TAMALIN: variants seen among roughly 807,000 people sequenced by gnomAD.
The protein encoded by TAMALIN is trafficking regulator and scaffold protein tamalin.
TAMALIN carries 9 observed loss-of-function variants against 38.5 expected under a neutral mutation model. The ratio of observed to expected loss-of-function variants is 0.23; its 90% confidence interval spans 0.14 to 0.41. TAMALIN has a LOEUF of 0.41. Ranked by LOEUF, TAMALIN falls within the 10% of genes least tolerant of loss-of-function variation. The pLI, the probability that TAMALIN is intolerant of heterozygous loss-of-function variation, is 1.00. For missense variants in TAMALIN, 548 were observed against 554.1 expected, an observed-to-expected ratio of 0.99 and a Z score of 0.11; for synonymous variants, 306 against 256.5, an observed-to-expected ratio of 1.19 and a Z score of -1.85.
Position 52,014,917 on chromosome 12 carries a change from GC to G in TAMALIN, c.911del (p.Pro304ArgfsTer25), listed in dbSNP as rs1336403576. Reference sequence around the variant, plus strand: ...AGCCGCCGGCGCTGCCGCCCCCGCCGCCCCCGGCCCGCGCCTTCGGCCCGGG... The same window carrying G: ...AGCCGCCGGCGCTGCCGCCCCCGCCGCCCCGGCCCGCGCCTTCGGCCCGGG... ...SEPPALPPPPPPARAFGPGPA... is the reference protein window; with the variant it reads ...SEPPALPPPPXPARAFGPGPA... On this transcript the variant is annotated frameshift_variant, in exon 8 of 8. Coordinates refer to ENST00000293662, the MANE Select transcript of TAMALIN (RefSeq NM_181711.4). LOFTEE classifies it high-confidence loss of function. The G allele has an allele frequency of 1.7e-5, 18 of 1,085,970 alleles. No individual in the cohort carries two copies. The highest frequency in any genetic ancestry group is 1.6e-4 in the Admixed American group (3 of 18,846). 67.3% of individuals were successfully genotyped at this position (1,085,970 alleles called of 1,614,324 possible). A position where few individuals can be genotyped will look rare whatever the true frequency, so the allele number is the denominator to read the frequency against.
In TAMALIN at chr12:52,015,240, A is replaced by C; in HGVS notation, c.*41A>C. 2.6e-6 allele frequency: 4 copies of C among 1,545,300 alleles called. No homozygotes were observed. Among genetic ancestry groups the C allele is most frequent in the Non-Finnish European group, 3.5e-6 (4 of 1,153,734 alleles). On this transcript the variant is annotated 3_prime_UTR_variant, in exon 8 of 8. Coordinates refer to ENST00000293662, the MANE Select transcript of TAMALIN (RefSeq NM_181711.4). Reference sequence around the variant, plus strand: ...GGGAGGTATTTATTTATTTATTCGCAACAGCCAGCGCTAAAAGAGGGGGAG... The same window carrying C: ...GGGAGGTATTTATTTATTTATTCGCCACAGCCAGCGCTAAAAGAGGGGGAG...
chr12:52,014,630 C>T, intron 7 of TAMALIN, 64 bp from the exon 8 acceptor site: 3 of 1,281,960 alleles, frequency 2.3e-6, no homozygotes, highest in Non-Finnish European at 3.1e-6. Flanking sequence ...TGCCCTCCGA[C>T]CCTTTGCAGA....
At position 52,012,637 on chromosome 12, in the gene TAMALIN, A is replaced by G. The variant is rs577127045; in HGVS notation, c.455-1050A>G. Among the ~76,000 whole-genome samples, 9 of 152,310 alleles carry G rather than the reference A, an allele frequency of 5.9e-5. No homozygotes were observed. In the South Asian group the frequency reaches 1.9e-3, roughly 32 times the overall value. On this transcript the variant is annotated intron_variant, in intron 4 of 7. Transcript: ENST00000293662. ...TCAACATGAGTTTTGGGGACAAACA[A>G]TATTTAAATGGTAGCAGTAGCCAAG...
In TAMALIN at chr12:52,008,120, G is replaced by A. The variant is rs987277461; in HGVS notation, c.246+855G>A. On this transcript the variant is annotated intron_variant, in intron 1 of 7. Coordinates refer to ENST00000293662, the MANE Select transcript of TAMALIN (RefSeq NM_181711.4). ...TATGAAAATCATGTTGAAAGACAAA[G>A]GGGTCTCTCTGTGCTGCCCAGTCCT... 3.6e-5 allele frequency: 35 copies of A among 985,310 alleles called. No individual in the cohort carries two copies. In the East Asian group the frequency reaches 7.9e-4, roughly 22 times the overall value. The allele number at this position is 985,310 out of a possible 1,614,324, so 61.0% of individuals were successfully genotyped here.
chr12:52,015,195 T>C lies in TAMALIN; in HGVS notation c.1184T>C (p.Leu395Pro). 1 of 1,550,846 alleles carries C rather than the reference T, an allele frequency of 6.4e-7. No homozygotes were observed. The highest frequency in any genetic ancestry group is 8.7e-7 in the Non-Finnish European group (1 of 1,152,436). Reference sequence around the variant, plus strand: ...TCCCTGGAGGAGGAGGAGAGCCAGCTGTAGGGGCGGGGGCGGGCAGGGAGG... The same window carrying C: ...TCCCTGGAGGAGGAGGAGAGCCAGCCGTAGGGGCGGGGGCGGGCAGGGAGG... ...NRSLEEEESQ[L>P] Residue 395 changes from leucine to proline, a missense_variant, in exon 8 of 8, where the codon CTG becomes CCG. Leu to Pro is a moderately conservative substitution (Grantham distance 98). This residue lies in a region of TAMALIN where 415 missense variants were observed against 417.0 expected (regional missense o/e 1.00). Coordinates refer to ENST00000293662, the MANE Select transcript of TAMALIN (RefSeq NM_181711.4).
chr12:52,007,816 G>A lies in TAMALIN; in HGVS notation c.246+551G>A. The A allele has an allele frequency of 7.1e-6, 7 of 985,448 alleles. No individual in the cohort carries two copies. The highest frequency in any genetic ancestry group is 8.4e-6 in the Non-Finnish European group (7 of 829,928). The allele number at this position is 985,448 out of a possible 1,614,324, so 61.0% of individuals were successfully genotyped here. On this transcript the variant is annotated intron_variant, in intron 1 of 7. Transcript: ENST00000293662. The surrounding 1 kb of genome is among the most constrained non-coding windows in gnomAD (Gnocchi z 6.7). The stretch of plus-strand genomic sequence containing the variant: ...CCGCCTGGCCCCACGTCTGACGTAC[G>A]GGGCGCGAGGGCCACTGCTCCCTGG...
In TAMALIN at chr12:52,007,589, G is replaced by T. The variant is rs1942435480; in HGVS notation, c.246+324G>T. Reference sequence around the variant, plus strand: ...CCATGCCCCGCCTCCCCGTGGCCAGGTGTCCTGGGTCCCCAGGAGCCCCTC... The same window carrying T: ...CCATGCCCCGCCTCCCCGTGGCCAGTTGTCCTGGGTCCCCAGGAGCCCCTC... On this transcript the variant is annotated intron_variant, in intron 1 of 7. Transcript: ENST00000293662. The surrounding 1 kb of genome is among the most constrained non-coding windows in gnomAD (Gnocchi z 6.7). 2 of 985,038 alleles carry T rather than the reference G, an allele frequency of 2.0e-6. No individual in the cohort carries two copies. The highest frequency in any genetic ancestry group is 3.5e-5 in the African/African-American group (2 of 57,326). The allele number at this position is 985,038 out of a possible 1,614,324, so 61.0% of individuals were successfully genotyped here.
At chr12:52,012,802 A>G (rs1291460125) in intron 4 of TAMALIN, among the ~76,000 whole-genome samples, 1 of 152,226 alleles carries the variant, frequency 6.6e-6, no homozygotes, top group Non-Finnish European at 1.5e-5. Flanking sequence ...GCTTGAGGTC[A>G]GGAAGCTCTC....
chr12:52,007,404 C>T lies in TAMALIN; in HGVS notation c.246+139C>T. 1.6e-6 allele frequency: 2 copies of T among 1,269,484 alleles called. No homozygotes were observed. Among genetic ancestry groups the T allele is most frequent in the Non-Finnish European group, 2.0e-6 (2 of 1,008,874 alleles). The allele number at this position is 1,269,484 out of a possible 1,614,324, so 78.6% of individuals were successfully genotyped here. A position where few individuals can be genotyped will look rare whatever the true frequency, so the allele number is the denominator to read the frequency against. On this transcript the variant is annotated intron_variant, in intron 1 of 7. Transcript: ENST00000293662. This position sits in a 1 kb window ranked among gnomAD's most constrained non-coding sequence, Gnocchi z 6.7. ...CCCGGCCCGCTGGGTGCCTCGACTC[C>T]CCGCGTTCCCCGCTGCTGCGAAGGC...
intron 6 of TAMALIN, 61 bp downstream of exon 6, chr12:52,014,004 G>C (rs1320538202): frequency 1.3e-5 from 21 of 1,579,348 alleles, no homozygotes; most frequent in Non-Finnish European, 1.8e-5. Context: ...CTGCCCTGTG[G>C]GGGGTCACTT....
In TAMALIN at chr12:52,011,024, C is replaced by G. The variant is rs755767244; in HGVS notation, c.352-15C>G. The G allele has an allele frequency of 5.0e-6, 8 of 1,613,740 alleles. No homozygotes were observed. The highest frequency in any genetic ancestry group is 6.8e-6 in the Non-Finnish European group (8 of 1,180,010). ...TGTCCCAACCCTGGGCTGAGGGTCC[C>G]CTTGTCCATTACAGACTTATGGCCT... On this transcript the variant is annotated splice_polypyrimidine_tract_variant and intron_variant, in intron 3 of 7. Coordinates refer to ENST00000293662, the MANE Select transcript of TAMALIN (RefSeq NM_181711.4). The surrounding 1 kb of genome is among the most constrained non-coding windows in gnomAD (Gnocchi z 5.3).
rs2641527 is a variant in TAMALIN, at chr12:52,014,603, C to T, written c.683-91C>T. 2,441 of 975,996 alleles carry T rather than the reference C, an allele frequency of 2.5e-3. 47 individuals carry two copies. The African/African-American group carries it at 0.036, about 14-fold the overall frequency. The allele number at this position is 975,996 out of a possible 1,614,324, so 60.5% of individuals were successfully genotyped here. On this transcript the variant is annotated intron_variant, in intron 7 of 7. Transcript: ENST00000293662. ...CACAGAGATGGTCAGCAGGACGGAG[C>T]GGGGACGCCCCGCCCATGCCCTCCG...
In TAMALIN at chr12:52,011,647, G is replaced by A. The variant is rs1045531707; in HGVS notation, c.454+506G>A. Among the ~76,000 whole-genome samples, 1 of 152,100 alleles carries A rather than the reference G, an allele frequency of 6.6e-6. No individual in the cohort carries two copies. Among genetic ancestry groups the A allele is most frequent in the African/African-American group, 2.4e-5 (1 of 41,388 alleles). ...AGACAGGGCCTCAGTCTGTCACCCAGGCTAGAGTGCAGTGGCGTAATCATA... is the reference window on the plus strand; with the variant it reads ...AGACAGGGCCTCAGTCTGTCACCCAAGCTAGAGTGCAGTGGCGTAATCATA... On this transcript the variant is annotated intron_variant, in intron 4 of 7. Coordinates refer to ENST00000293662, the MANE Select transcript of TAMALIN (RefSeq NM_181711.4). The surrounding 1 kb of genome is among the most constrained non-coding windows in gnomAD (Gnocchi z 5.3).
At chr12:52,008,873 C>T in intron 1 of TAMALIN, 2 of 487,030 alleles carry the variant, frequency 4.1e-6, no homozygotes, top group Non-Finnish European at 2.7e-6. Flanking sequence ...GGGGTGGAGA[C>T]CATTTTAGAA....
Position 52,015,029 on chromosome 12 carries a change from G to C in TAMALIN, c.1018G>C (p.Gly340Arg). 7.7e-7 allele frequency: 1 copy of C among 1,302,266 alleles called. No individual in the cohort carries two copies. Among genetic ancestry groups the C allele is most frequent in the Non-Finnish European group, 9.7e-7 (1 of 1,026,966 alleles). 80.7% of individuals were successfully genotyped at this position (1,302,266 alleles called of 1,614,324 possible). ...RSASVRCAGP[G>R]GGGGGGAPGA... is the part of the protein sequence containing the mutation. ...CGCCAGTGTGCGGTGCGCGGGCCCT[G>C]GCGGGGGCGGAGGCGGGGGCGCGCC... Residue 340 changes from glycine (G) to arginine (R), a missense_variant, in exon 8 of 8, where the codon GGC becomes CGC. Transcript: ENST00000293662.
chr12:52,009,368 T>G, intron 2 of TAMALIN, 129 bp downstream of exon 2: 1 of 867,428 alleles, frequency 1.2e-6, no homozygotes. Flanking sequence ...GCTCCCCCGC[T>G]GGGAGTGAGG....
At position 52,015,354 on chromosome 12, in the gene TAMALIN, T is replaced by C; in HGVS notation, c.*155T>C. ...GCCGGGTCGGTTCCTGGCTGGTGTCTGCTGAGGGAGTGGGGGGCCCAGCCC... is the reference window on the plus strand; with the variant it reads ...GCCGGGTCGGTTCCTGGCTGGTGTCCGCTGAGGGAGTGGGGGGCCCAGCCC... On this transcript the variant is annotated 3_prime_UTR_variant, in exon 8 of 8. Transcript: ENST00000293662. 1.1e-6 allele frequency: 1 copy of C among 904,148 alleles called. No homozygotes were observed. 56.0% of individuals were successfully genotyped at this position (904,148 alleles called of 1,614,324 possible). A position where few individuals can be genotyped will look rare whatever the true frequency, so the allele number is the denominator to read the frequency against.
Position 52,007,285 on chromosome 12 carries a change from T to A in TAMALIN, c.246+20T>A. 7.2e-7 allele frequency: 1 copy of A among 1,398,442 alleles called. No homozygotes were observed. The allele number at this position is 1,398,442 out of a possible 1,614,324, so 86.6% of individuals were successfully genotyped here. A position where few individuals can be genotyped will look rare whatever the true frequency, so the allele number is the denominator to read the frequency against. ...CGAAAGGTGCGTCCCCCGCCCGCCT[T>A]CAGGATCTGCTCAGCCCCTCTCCGA... is the stretch of plus-strand genomic sequence containing the variant. On this transcript the variant is annotated intron_variant, in intron 1 of 7. Coordinates refer to ENST00000293662, the MANE Select transcript of TAMALIN (RefSeq NM_181711.4). The surrounding 1 kb of genome is among the most constrained non-coding windows in gnomAD (Gnocchi z 6.7).
In TAMALIN at chr12:52,014,987, G is replaced by C. The variant is rs937847617; in HGVS notation, c.976G>C (p.Ala326Pro). The C allele has an allele frequency of 7.2e-6, 7 of 976,724 alleles. No homozygotes were observed. Among genetic ancestry groups the C allele is most frequent in the Non-Finnish European group, 8.5e-6 (7 of 821,152 alleles). 60.5% of individuals were successfully genotyped at this position (976,724 alleles called of 1,614,324 possible). Reference sequence around the variant, plus strand: ...CGTGGGGCCGGGCCCTGGGCCGCGGGCCGCGCTGAGCCGCAGCGCCAGTGT... The same window carrying C: ...CGTGGGGCCGGGCCCTGGGCCGCGGCCCGCGCTGAGCCGCAGCGCCAGTGT... ...PAVGPGPGPRAALSRSASVRC... is the reference protein window; with the variant it reads ...PAVGPGPGPRPALSRSASVRC... Residue 326 changes from alanine (A) to proline (P), a missense_variant, in exon 8 of 8, where the codon GCC (alanine) becomes CCC (proline). Physicochemically the swap from Ala to Pro is conservative, Grantham distance 27 (BLOSUM62 -1). Coordinates refer to ENST00000293662, the MANE Select transcript of TAMALIN (RefSeq NM_181711.4).
Sources: gnomAD v4.1 joint callset for allele counts (sites outside exome capture counted in the v4.1 genomes callset) on GRCh38, gnomAD v4.1.1 for gene constraint, gnomAD v4.1.1 regional missense constraint, Gnocchi (gnomAD v3.1) non-coding constraint, MANE v1.5 for transcripts, NCBI Gene and HGNC (gene_info 2026-07-23, HGNC 2026-07-21) for gene names.